The following CTNND2 variants were observed in gnomAD, a reference collection of about 807,000 sequenced individuals.
The protein encoded by CTNND2 is catenin delta-2.
A neutral mutation model predicts 144.4 loss-of-function variants in CTNND2; 22 were observed. The ratio of observed to expected loss-of-function variants is 0.15; its 90% confidence interval spans 0.11 to 0.22. CTNND2 has a LOEUF of 0.22. CTNND2 is among the 10% of genes least tolerant of loss of function. The pLI is 1.00. For synonymous variants in CTNND2, 751 were observed against 695.6 expected (o/e 1.08, Z -1.25); for missense variants, 1,353 against 1,618.8 (o/e 0.84, Z 2.82).
chr5:11,128,549 T>C (rs943648468), intron 12 of CTNND2, among the ~76,000 whole-genome samples: 1 of 150,064 alleles, frequency 6.7e-6, no homozygotes, highest in Non-Finnish European at 1.5e-5. Context: ...ACAGGGAGGC[T>C]GCAGCTCGTT....
chr5:10,980,083 C>T (rs969839996), intron 21 of CTNND2, among the ~76,000 whole-genome samples: 2 of 151,974 alleles, frequency 1.3e-5, no homozygotes, highest in Admixed American at 1.3e-4. Flanking sequence ...AGCTCCTGCA[C>T]GGCAAAAGAA....
intron 18 of CTNND2, among the ~76,000 whole-genome samples, chr5:10,996,738 A>G (rs1739395854): frequency 6.6e-6 from 1 of 152,128 alleles, no homozygotes; most frequent in Admixed American, 6.5e-5. Context: ...ATCTGGGATT[A>G]CAGGCATGCA....
At chr5:11,720,868 G>T (rs2126716677) in intron 2 of CTNND2, among the ~76,000 whole-genome samples, 2 of 152,296 alleles carry the variant, frequency 1.3e-5, no homozygotes, top group South Asian at 4.1e-4. Context: ...AGGATGTGAA[G>T]ATATTGTAAT....
rs543171119 is a variant in CTNND2, at chr5:11,356,990, A to G, written c.1372+7706T>C. On this transcript the variant is annotated intron_variant, in intron 8 of 21. Transcript: ENST00000304623. ...CAAAACCACAGTGAGATACTACCTC[A>G]CTCCAGTTAGAATGGCTATTGTCAA... is the stretch of plus-strand genomic sequence containing the variant. Among the ~76,000 whole-genome samples, 12 of 152,222 alleles carry G rather than the reference A, an allele frequency of 7.9e-5. No homozygotes were observed. The South Asian group carries it at 2.5e-3, about 32-fold the overall frequency.
At chr5:11,703,145 C>T (rs1243096042) in intron 2 of CTNND2, among the ~76,000 whole-genome samples, 2 of 152,104 alleles carry the variant, frequency 1.3e-5, no homozygotes, top group Non-Finnish European at 2.9e-5. Context: ...CTAAGAGCTA[C>T]CCAACTGAAG....
chr5:11,369,208 C>T (rs987852594), intron 7 of CTNND2, among the ~76,000 whole-genome samples: 5 of 152,068 alleles, frequency 3.3e-5, no homozygotes, highest in African/African-American at 9.7e-5. Flanking sequence ...GAATGAATGA[C>T]GTTCATAAGG....
In CTNND2 at chr5:10,986,861, C is replaced by A. The variant is rs61751758; in HGVS notation, c.3343+1250G>T. The A allele has an allele frequency of 6.6e-5, 23 of 347,080 alleles. No homozygotes were observed. The Admixed American group carries it at 9.2e-4, about 14-fold the overall frequency. The allele number at this position is 347,080 out of a possible 1,614,324, so 21.5% of individuals were successfully genotyped here. A position where few individuals can be genotyped will look rare whatever the true frequency, so the allele number is the denominator to read the frequency against. ...ATTTGCTATTAGAAAAATTTATCTT[C>A]GCTGTCCTGGTTTGGAAGGCATTTT... is the stretch of plus-strand genomic sequence containing the variant. On this transcript the variant is annotated intron_variant, in intron 20 of 21. Transcript: ENST00000304623.
chr5:11,580,829 T>C (rs956555743), intron 2 of CTNND2, among the ~76,000 whole-genome samples: 8 of 152,330 alleles, frequency 5.3e-5, no homozygotes, highest in African/African-American at 1.7e-4. Flanking sequence ...ACTTTTTCAC[T>C]GACACAGTAG....
chr5:11,725,872 C>A (rs1309668823), intron 2 of CTNND2, among the ~76,000 whole-genome samples: 1 of 152,132 alleles, frequency 6.6e-6, no homozygotes, highest in Non-Finnish European at 1.5e-5. Context: ...TTTTTCTTGA[C>A]TATTCCTACT....
intron 16 of CTNND2, among the ~76,000 whole-genome samples, chr5:11,062,919 C>T (rs185427567): frequency 5.9e-5 from 9 of 152,302 alleles, no homozygotes; most frequent in Admixed American, 4.6e-4. Context: ...AAGGGTATTG[C>T]TTAATGCCAG....
At chr5:11,402,725 G>A (rs190908413) in intron 5 of CTNND2, among the ~76,000 whole-genome samples, 42 of 152,234 alleles carry the variant, frequency 2.8e-4, no homozygotes, top group African/African-American at 9.9e-4. Context: ...AAGCCCAAGG[G>A]GCTTGTTATG....
intron 21 of CTNND2, among the ~76,000 whole-genome samples, chr5:10,976,419 T>C (rs1736492749): frequency 6.6e-6 from 1 of 152,192 alleles, no homozygotes; most frequent in African/African-American, 2.4e-5. Flanking sequence ...ATGAGGGATG[T>C]AGAATGATGC....
At chr5:11,830,724 G>C (rs545137079) in intron 1 of CTNND2, among the ~76,000 whole-genome samples, 9 of 152,116 alleles carry the variant, frequency 5.9e-5, no homozygotes, top group Non-Finnish European at 1.2e-4. Flanking sequence ...AGCAGACCCT[G>C]GGCTGAAAAT....
intron 3 of CTNND2, among the ~76,000 whole-genome samples, chr5:11,474,696 G>A (rs1400367243): frequency 1.3e-5 from 2 of 152,102 alleles, no homozygotes; most frequent in African/African-American, 2.4e-5. Context: ...TTTATTTTTC[G>A]CTTATGAAAT....
chr5:11,027,807 C>T (rs947697809), intron 16 of CTNND2, among the ~76,000 whole-genome samples: 4 of 152,174 alleles, frequency 2.6e-5, no homozygotes, highest in Non-Finnish European at 2.9e-5. Context: ...CCTAACAAAC[C>T]ATGTTGCCCA....
intron 2 of CTNND2, among the ~76,000 whole-genome samples, chr5:11,672,622 C>A (rs1007512092): frequency 6.6e-6 from 1 of 152,144 alleles, no homozygotes; most frequent in Non-Finnish European, 1.5e-5. Context: ...ACGCCCCTCC[C>A]CCAACCAAGC....
intron 9 of CTNND2, among the ~76,000 whole-genome samples, chr5:11,248,570 TC>T (rs1241920856): frequency 1.3e-5 from 2 of 152,198 alleles, no homozygotes; most frequent in Admixed American, 6.5e-5. Context: ...GAGCACACTT[TC>T]TTATAAATTA....
At chr5:11,075,388 C>T (rs1243219158) in intron 16 of CTNND2, among the ~76,000 whole-genome samples, 4 of 152,198 alleles carry the variant, frequency 2.6e-5, no homozygotes, top group African/African-American at 9.7e-5. Context: ...GGGCGTCAGT[C>T]AAAGGAAGAT....
At chr5:11,531,180 T>C (rs546276041) in intron 3 of CTNND2, among the ~76,000 whole-genome samples, 1 of 152,258 alleles carries the variant, frequency 6.6e-6, no homozygotes, top group African/African-American at 2.4e-5. Flanking sequence ...AAAGGACACC[T>C]GGCCAAGGAA....
Sources: allele counts gnomAD v4.1 joint callset (sites outside exome capture counted in the v4.1 genomes callset), GRCh38; gene constraint gnomAD v4.1.1; transcripts MANE v1.5; gene names NCBI Gene and HGNC (gene_info 2026-07-23, HGNC 2026-07-21).